MELTF: variants seen among roughly 807,000 people sequenced by gnomAD.
The protein encoded by MELTF is melanotransferrin, also known as antigen p97 (melanoma associated) identified by monoclonal antibodies 133.2 and 96.5.
A neutral mutation model predicts 83.7 loss-of-function variants in MELTF; 67 were observed. The ratio of observed to expected loss-of-function variants is 0.80; its 90% CI spans 0.66 to 0.98. The LOEUF (loss-of-function observed/expected upper bound fraction) is 0.98. Ranked by LOEUF, MELTF falls within the 50% of genes least tolerant of loss-of-function variation. MELTF has a pLI of 0.00. For synonymous variants in MELTF, 462 were observed against 447.6 expected (o/e 1.03, Z -0.41); for missense variants, 1,002 against 1,035.6 (o/e 0.97, Z 0.44).
At chr3:197,027,308 T>A (rs1010320735) in intron 2 of MELTF, among the ~76,000 whole-genome samples, 2 of 152,214 alleles carry the variant, frequency 1.3e-5, no homozygotes, top group African/African-American at 4.8e-5. Flanking sequence ...CTCGGAGGAT[T>A]GTCAGTGTCA....
At position 197,002,396 on chromosome 3, in the gene MELTF, G is replaced by C. The variant is rs1380081474; in HGVS notation, c.*976C>G. 6.6e-6 allele frequency: 1 copy of C among 152,332 alleles called. No homozygotes were observed. Among genetic ancestry groups the C allele is most frequent in the African/African-American group, 2.4e-5 (1 of 41,468 alleles). 9.4% of individuals were successfully genotyped at this position (152,332 alleles called of 1,614,324 possible). A position where few individuals can be genotyped will look rare whatever the true frequency, so the allele number is the denominator to read the frequency against. The stretch of plus-strand genomic sequence containing the variant: ...CAACTGTGGCAAGATGGAGTAGAGA[G>C]AGGCCCCGGCCGGGCGCTTTCTGCT... On this transcript the variant is annotated 3_prime_UTR_variant, in exon 16 of 16. Coordinates refer to ENST00000296350, the MANE Select transcript of MELTF (RefSeq NM_005929.6).
intron 6 of MELTF, among the ~76,000 whole-genome samples, chr3:197,020,702 C>A (rs61105766): frequency 0.21 from 31,724 of 151,758 alleles, 3,489 homozygotes; most frequent in Middle Eastern, 0.32. Flanking sequence ...CAGAGTCTCG[C>A]TCTGTCACCA....
intron 14 of MELTF, 39 bp from the exon 15 acceptor site, chr3:197,004,138 G>A (rs932563330): frequency 1.9e-6 from 3 of 1,603,648 alleles, no homozygotes; most frequent in Non-Finnish European, 2.6e-6. Flanking sequence ...TCCTCACTGG[G>A]CTCAGGCAGG....
chr3:197,014,383 G>GTTTTT lies in MELTF; in HGVS notation c.1233+977_1233+981dup, dbSNP rs71623319. 5.6e-3 allele frequency among the ~76,000 whole-genome samples: 561 copies of GTTTTT among 101,028 alleles called. 31 individuals carry two copies. Among genetic ancestry groups the GTTTTT allele is most frequent in the East Asian group, 0.023 (72 of 3,120 alleles). The allele number at this position is 101,028 out of a possible 152,430, so 66.3% of individuals were successfully genotyped here. ...GTAGGGGAAGGGAGGAATAGGGAGA[G>GTTTTT]TTTTTTTTTTTTTTTTTTTTTTTGA... On this transcript the variant is annotated intron_variant, in intron 9 of 15. Coordinates refer to ENST00000296350, the MANE Select transcript of MELTF (RefSeq NM_005929.6).
chr3:197,015,878 G>A (rs919883287), intron 8 of MELTF, among the ~76,000 whole-genome samples: 2 of 152,186 alleles, frequency 1.3e-5, no homozygotes, highest in East Asian at 1.9e-4. Context: ...GAGTAGGAGC[G>A]AGAGGCTGTA....
In MELTF at chr3:197,003,955, GC is replaced by G; in HGVS notation, c.2082del (p.Leu695TrpfsTer101). The G allele has an allele frequency of 6.2e-7, 1 of 1,614,124 alleles. No individual in the cohort carries two copies. The highest frequency in any genetic ancestry group is 1.7e-5 in the Admixed American group (1 of 60,030). On this transcript the variant is annotated frameshift_variant, in exon 15 of 16. Transcript: ENST00000296350. LOFTEE classifies it high-confidence loss of function. This position sits in a 1 kb window ranked among gnomAD's most constrained non-coding sequence, Gnocchi z 6.2. The part of the protein sequence containing the change: ...GEKTTYRGWL[G>X]LDYVAALEGM... ...CCTTCCAGCGCCGCCACGTAGTCCA[GC>G]CCCAGCCAGCCGCGGTAGGTGGTTT...
chr3:197,029,554 G>A lies in MELTF; in HGVS notation c.49+100C>T. The A allele has an allele frequency of 3.0e-6, 3 of 1,015,946 alleles. No homozygotes were observed. In the African/African-American group the frequency reaches 5.0e-5, roughly 17 times the overall value. 62.9% of individuals were successfully genotyped at this position (1,015,946 alleles called of 1,614,324 possible). A position where few individuals can be genotyped will look rare whatever the true frequency, so the allele number is the denominator to read the frequency against. ...GCCTCCCCCGTCTCACTGCCCCGGAGCCGCAGGCTCAGGCACATTTCCAGC... is the reference window on the plus strand; with the variant it reads ...GCCTCCCCCGTCTCACTGCCCCGGAACCGCAGGCTCAGGCACATTTCCAGC... On this transcript the variant is annotated intron_variant, in intron 1 of 15. Transcript: ENST00000296350. The surrounding 1 kb of genome is among the most constrained non-coding windows in gnomAD (Gnocchi z 6.5).
intron 6 of MELTF, chr3:197,019,736 C>A: frequency 1.2e-6 from 2 of 1,611,830 alleles, no homozygotes; most frequent in Non-Finnish European, 1.7e-6. Flanking sequence ...CGTGCTTCCT[C>A]GTGTGCAGGG....
At chr3:197,016,054 G>C in intron 8 of MELTF, 135 bp downstream of exon 8, 1 of 736,708 alleles carries the variant, frequency 1.4e-6, no homozygotes, top group Non-Finnish European at 2.1e-6. Context: ...CCCAGGGGCA[G>C]AGGAATGGAA....
chr3:197,027,797 C>G lies in MELTF; in HGVS notation c.163G>C (p.Val55Leu). Residue 55 changes from valine to leucine, a missense_variant, in exon 2 of 16, where the codon GTC becomes CTC. Coordinates refer to ENST00000296350, the MANE Select transcript of MELTF (RefSeq NM_005929.6). The part of the protein sequence containing the change: ...EAGIQPSLLC[V>L]RGTSADHCVQ... ...CAGTGGTCGGCGGAGGTGCCCCGGA[C>G]GCAGAGGAGGGAGGGCTGGATGCCC... 1 of 1,611,026 alleles carries G rather than the reference C, an allele frequency of 6.2e-7. No individual in the cohort carries two copies. The highest frequency in any genetic ancestry group is 2.2e-5 in the East Asian group (1 of 44,806).
chr3:197,018,854 G>T, intron 6 of MELTF: 1 of 846,902 alleles, frequency 1.2e-6, no homozygotes. Context: ...AAGTTCATTT[G>T]TTTCTCGATA....
rs1006221818 is a variant in MELTF, at chr3:197,007,738, C to A, written c.1750+919G>T. On this transcript the variant is annotated intron_variant, in intron 13 of 15. Coordinates refer to ENST00000296350, the MANE Select transcript of MELTF (RefSeq NM_005929.6). The surrounding 1 kb of genome is among the most constrained non-coding windows in gnomAD (Gnocchi z 4.3). Reference sequence around the variant, plus strand: ...GCTCTGCTGGGGCAAATGGTCCTACCGCCTTGGTGACCCCCATAGGAGGCA... The same window carrying A: ...GCTCTGCTGGGGCAAATGGTCCTACAGCCTTGGTGACCCCCATAGGAGGCA... 2.0e-5 allele frequency among the ~76,000 whole-genome samples: 3 copies of A among 152,192 alleles called. No homozygotes were observed. The highest frequency in any genetic ancestry group is 4.4e-5 in the Non-Finnish European group (3 of 68,036).
At position 197,023,012 on chromosome 3, in the gene MELTF, C is replaced by T; in HGVS notation, c.589G>A (p.Gly197Arg). Residue 197 changes from glycine to arginine, a missense_variant, in exon 5 of 16, where the codon GGG (glycine) becomes AGG (arginine). Transcript: ENST00000296350. Reference protein sequence around the residue: ...RLCRGDSSGEGVCDKSPLERY... With the variant: ...RLCRGDSSGERVCDKSPLERY... ...TCCAGGGGGCTCTTGTCACACACCC[C>T]TTCCCCAGAGCTGTCACCCCTGCAG... 3 of 1,613,756 alleles carry T rather than the reference C, an allele frequency of 1.9e-6. No homozygotes were observed. Among genetic ancestry groups the T allele is most frequent in the Non-Finnish European group, 2.5e-6 (3 of 1,179,996 alleles).
chr3:197,026,139 G>A (rs1454589383), intron 3 of MELTF: 2 of 156,804 alleles, frequency 1.3e-5, no homozygotes, highest in Admixed American at 6.1e-5. Context: ...CATTTAGTCT[G>A]GGTGACAGCG....
chr3:197,018,901 A>T (rs1719506906), intron 6 of MELTF: 14 of 980,386 alleles, frequency 1.4e-5, no homozygotes, highest in Non-Finnish European at 1.3e-5. Context: ...TTAACACCAA[A>T]CAGGGATATT....
chr3:197,006,829 C>T lies in MELTF; in HGVS notation c.1751-93G>A. The T allele has an allele frequency of 8.2e-7, 1 of 1,225,336 alleles. No individual in the cohort carries two copies. The highest frequency in any genetic ancestry group is 3.0e-5 in the East Asian group (1 of 33,162). The allele number at this position is 1,225,336 out of a possible 1,614,324, so 75.9% of individuals were successfully genotyped here. On this transcript the variant is annotated intron_variant, in intron 13 of 15. Transcript: ENST00000296350. The surrounding 1 kb of genome is among the most constrained non-coding windows in gnomAD (Gnocchi z 5.4). Reference sequence around the variant, plus strand: ...TATCCTGGGACCCCAAGGCCTTCACCACAGGGAGGTGGCAACATCTGGCCA... The same window carrying T: ...TATCCTGGGACCCCAAGGCCTTCACTACAGGGAGGTGGCAACATCTGGCCA...
intron 9 of MELTF, among the ~76,000 whole-genome samples, chr3:197,012,123 C>T (rs972003985): frequency 2.0e-5 from 3 of 152,232 alleles, no homozygotes; most frequent in East Asian, 1.9e-4. Context: ...ATCGGGCCTG[C>T]GGAAGCTCCC....
chr3:197,016,892 G>C (rs1031715087), intron 7 of MELTF, among the ~76,000 whole-genome samples: 1 of 152,154 alleles, frequency 6.6e-6, no homozygotes, highest in Non-Finnish European at 1.5e-5. Flanking sequence ...TGAATCCCTG[G>C]GTCCCCCTCC....
At chr3:197,014,923 T>C (rs1719305569) in intron 9 of MELTF, among the ~76,000 whole-genome samples, 1 of 152,214 alleles carries the variant, frequency 6.6e-6, no homozygotes, top group African/African-American at 2.4e-5. Flanking sequence ...TATTTGTCTA[T>C]TTAGAAAAAT....
Sources: allele counts gnomAD v4.1 joint callset (sites outside exome capture counted in the v4.1 genomes callset), GRCh38; gene constraint gnomAD v4.1.1; non-coding constraint Gnocchi (gnomAD v3.1); transcripts MANE v1.5; gene names NCBI Gene and HGNC (gene_info 2026-07-23, HGNC 2026-07-21).